The following STXBP6 variants were observed in gnomAD, a reference collection of about 807,000 sequenced individuals.
STXBP6 encodes syntaxin binding protein 6.
A neutral mutation model predicts 26.9 loss-of-function variants in STXBP6; 21 were observed. That is an observed-to-expected ratio of 0.78 (90% confidence interval 0.55 to 1.12). The LOEUF (loss-of-function observed/expected upper bound fraction) is 1.12, where lower values mean the gene tolerates loss of function less well. Ranked by LOEUF, STXBP6 falls within the 50% of genes most tolerant of loss-of-function variation. The probability of loss-of-function intolerance (pLI) is 0.00; values close to 1 mark genes in which losing one functional copy is unlikely to be tolerated. For missense variants in STXBP6, 232 were observed against 257.9 expected, an observed-to-expected ratio of 0.90 and a Z score of 0.69; for synonymous variants, 97 against 92.6, an observed-to-expected ratio of 1.05 and a Z score of -0.27.
At chr14:24,845,930 G>T (rs1566404613) in intron 4 of STXBP6, among the ~76,000 whole-genome samples, 1 of 152,160 alleles carries the variant, frequency 6.6e-6, no homozygotes, top group Non-Finnish European at 1.5e-5. Context: ...AGGTGGAAAA[G>T]GCAAGGAAAC....
chr14:24,818,018 C>T (rs8007336), intron 5 of STXBP6: 76,421 of 456,284 alleles, frequency 0.17, 9,504 homozygotes, highest in African/African-American at 0.45. Flanking sequence ...TGGGAATATT[C>T]TTCTCATTGC....
chr14:25,038,663 G>A (rs560939240), intron 1 of STXBP6, among the ~76,000 whole-genome samples: 3 of 152,312 alleles, frequency 2.0e-5, no homozygotes, highest in South Asian at 2.1e-4. Context: ...CCAACTTGAT[G>A]GCAGAGGGTA....
chr14:24,908,102 T>C (rs2071446567), intron 2 of STXBP6, among the ~76,000 whole-genome samples: 1 of 152,230 alleles, frequency 6.6e-6, no homozygotes, highest in Non-Finnish European at 1.5e-5. Flanking sequence ...CTACCTCCTC[T>C]GTCTCCTAGT....
At chr14:24,904,736 C>A (rs2071329826) in intron 2 of STXBP6, among the ~76,000 whole-genome samples, 1 of 152,118 alleles carries the variant, frequency 6.6e-6, no homozygotes, top group Admixed American at 6.5e-5. Context: ...GGAAGAAAGT[C>A]CTCTAGAAAT....
Position 25,030,862 on chromosome 14 carries a change from T to C in STXBP6, c.-33+19016A>G, listed in dbSNP as rs56040387. Among the ~76,000 whole-genome samples the C allele has an allele frequency of 7.2e-3, 1,087 of 151,984 alleles. 13 individuals are homozygous for C. Among genetic ancestry groups the C allele is most frequent in the African/African-American group, 0.025 (1,022 of 41,440 alleles). On this transcript the variant is annotated intron_variant, in intron 1 of 5. Transcript: ENST00000323944. ...TAAATTAACTGTTATGGAAATTGCC[T>C]AACACCCTACATAATAACTAATTAG...
Position 24,931,344 on chromosome 14 carries a change from C to A in STXBP6, c.154+43321G>T, listed in dbSNP as rs372379288. On this transcript the variant is annotated intron_variant, in intron 2 of 5. Coordinates refer to ENST00000323944, the MANE Select transcript of STXBP6 (RefSeq NM_001394410.1). ...GGCACATGTATACATATGTAACAAA[C>A]CTGCAGATTGTGCACATGTACCCTA... Among the ~76,000 whole-genome samples, 8 of 151,750 alleles carry A rather than the reference C, an allele frequency of 5.3e-5. No homozygotes were observed. In the East Asian group the frequency reaches 1.4e-3, roughly 26 times the overall value.
chr14:25,049,156 C>A lies in STXBP6; in HGVS notation c.-33+722G>T, dbSNP rs186355378. The A allele has an allele frequency of 3.0e-6, 3 of 985,296 alleles. No homozygotes were observed. Among genetic ancestry groups the A allele is most frequent in the Non-Finnish European group, 3.6e-6 (3 of 829,862 alleles). 61.0% of individuals were successfully genotyped at this position (985,296 alleles called of 1,614,324 possible). A position where few individuals can be genotyped will look rare whatever the true frequency, so the allele number is the denominator to read the frequency against. On this transcript the variant is annotated intron_variant, in intron 1 of 5. Coordinates refer to ENST00000323944, the MANE Select transcript of STXBP6 (RefSeq NM_001394410.1). This position sits in a 1 kb window ranked among gnomAD's most constrained non-coding sequence, Gnocchi z 5.6. ...TGAACGGGGTGGGGTGGTGAGGTGG[C>A]GGGGTGTTGTAAACCTGAGGAAAGG...
At chr14:25,022,602 A>C (rs147032991) in intron 1 of STXBP6, among the ~76,000 whole-genome samples, 1 of 152,350 alleles carries the variant, frequency 6.6e-6, no homozygotes, top group African/African-American at 2.4e-5. Flanking sequence ...CTGGGCAGCC[A>C]AAAAACCATA....
rs542069633 is a variant in STXBP6, at chr14:24,998,597, T to TA, written c.-32-23748dup. ...TTGTGTAGGACTCTTTTACAGGAGGTAAAAAAAACAAAGCTCAGCTACTTT... is the reference window on the plus strand; with the variant it reads ...TTGTGTAGGACTCTTTTACAGGAGGTAAAAAAAAACAAAGCTCAGCTACTTT... On this transcript the variant is annotated intron_variant, in intron 1 of 5. Transcript: ENST00000323944. Among the ~76,000 whole-genome samples, 18 of 151,886 alleles carry TA rather than the reference T, an allele frequency of 1.2e-4. No homozygotes were observed. The South Asian group carries it at 2.7e-3, about 23-fold the overall frequency.
intron 1 of STXBP6, among the ~76,000 whole-genome samples, chr14:25,047,240 G>T (rs181666595): frequency 6.6e-6 from 1 of 152,160 alleles, no homozygotes; most frequent in South Asian, 2.1e-4. Context: ...CACTACCCAA[G>T]GGTGATCTAA....
intron 4 of STXBP6, among the ~76,000 whole-genome samples, chr14:24,844,459 G>A (rs1463177616): frequency 6.6e-6 from 1 of 152,216 alleles, no homozygotes; most frequent in East Asian, 1.9e-4. Context: ...ATCTGAAGTG[G>A]GGAGTAGTCC....
intron 2 of STXBP6, among the ~76,000 whole-genome samples, chr14:24,888,025 T>C (rs1434188075): frequency 6.6e-6 from 1 of 152,224 alleles, no homozygotes; most frequent in African/African-American, 2.4e-5. Context: ...ATTTTAATAA[T>C]TAATCACGTG....
At chr14:24,930,876 C>T (rs2072360984) in intron 2 of STXBP6, among the ~76,000 whole-genome samples, 1 of 151,260 alleles carries the variant, frequency 6.6e-6, no homozygotes, top group Admixed American at 6.6e-5. Context: ...CTTTGGGAGG[C>T]CGAGGCGGGT....
intron 2 of STXBP6, among the ~76,000 whole-genome samples, chr14:24,960,841 T>C (rs778611753): frequency 2.6e-5 from 4 of 152,258 alleles, no homozygotes; most frequent in Admixed American, 6.5e-5. Context: ...CAGAGAGACA[T>C]GTATCTTCAA....
At chr14:25,001,128 G>C (rs1313217609) in intron 1 of STXBP6, among the ~76,000 whole-genome samples, 1 of 152,088 alleles carries the variant, frequency 6.6e-6, no homozygotes, top group Non-Finnish European at 1.5e-5. Flanking sequence ...TTTTTCTCTT[G>C]GAACAACAAA....
intron 2 of STXBP6, among the ~76,000 whole-genome samples, chr14:24,906,013 T>C (rs566747543): frequency 8.5e-5 from 13 of 152,304 alleles, no homozygotes; most frequent in East Asian, 1.9e-4. Context: ...GGAATACACA[T>C]AGAATACTCA....
intron 2 of STXBP6, among the ~76,000 whole-genome samples, chr14:24,890,642 G>A (rs1677714282): frequency 6.6e-6 from 1 of 152,196 alleles, no homozygotes; most frequent in Admixed American, 6.5e-5. Flanking sequence ...AGGGAAAAAT[G>A]TCCTATAGAA....
chr14:25,031,466 C>T (rs1354853546), intron 1 of STXBP6, among the ~76,000 whole-genome samples: 4 of 152,112 alleles, frequency 2.6e-5, no homozygotes, highest in East Asian at 1.9e-4. Flanking sequence ...AAGCCTTTTC[C>T]TGCTCAAAAA....
At chr14:24,857,306 G>A (rs1858263681) in intron 2 of STXBP6, 149 bp from the exon 3 acceptor site, 1 of 1,026,604 alleles carries the variant, frequency 9.7e-7, no homozygotes, top group South Asian at 1.6e-5. Flanking sequence ...GAATAAATAT[G>A]TGTGCCTTTG....
Sources: allele counts gnomAD v4.1 joint callset (sites outside exome capture counted in the v4.1 genomes callset), GRCh38; gene constraint gnomAD v4.1.1; non-coding constraint Gnocchi (gnomAD v3.1); transcripts MANE v1.5; gene names NCBI Gene and HGNC (gene_info 2026-07-23, HGNC 2026-07-21).